The following NHS variants were observed in gnomAD, a reference collection of about 807,000 sequenced individuals.
NHS encodes NHS actin remodeling regulator, also known as actin remodeling regulator NHS.
NHS carries 5 observed loss-of-function variants against 72.5 expected under a neutral mutation model. The ratio of observed to expected loss-of-function variants is 0.07; its 90% CI spans 0.04 to 0.14. NHS has a LOEUF of 0.14. NHS is among the 10% of genes least tolerant of loss of function. The pLI, the probability that NHS is intolerant of heterozygous loss-of-function variation, is 1.00. For missense variants in NHS, 1,072 were observed against 1,355.7 expected, an observed-to-expected ratio of 0.79 and a Z score of 3.29; for synonymous variants, 464 against 547.7, an observed-to-expected ratio of 0.85 and a Z score of 2.13.
intron 1 of NHS, among the ~76,000 whole-genome samples, chrX:17,594,403 G>A (rs764452238): frequency 9.0e-6 from 1 of 111,596 alleles, no homozygotes; most frequent in African/African-American, 3.3e-5. Context: ...TGGGTGGCAG[G>A]TGAGGGAGGG....
chrX:17,617,579 A>G (rs1348951198), intron 1 of NHS, among the ~76,000 whole-genome samples: 1 of 112,438 alleles, frequency 8.9e-6, no homozygotes, highest in Non-Finnish European at 1.9e-5. Flanking sequence ...AATGAAAATG[A>G]GATGTGTCAC....
intron 3 of NHS, among the ~76,000 whole-genome samples, chrX:17,697,443 G>A (rs1396351629): frequency 9.0e-6 from 1 of 111,725 alleles, no homozygotes; most frequent in Non-Finnish European, 1.9e-5. Context: ...GATTGCAAAA[G>A]GTCAATGAAA....
intron 1 of NHS, among the ~76,000 whole-genome samples, chrX:17,421,996 A>G (rs111628998): frequency 8.9e-6 from 1 of 112,520 alleles, no homozygotes. Context: ...GTACACATCT[A>G]TGGGACCACA....
At chrX:17,586,084 C>G (rs1455801558) in intron 1 of NHS, 2 of 111,009 alleles carry the variant, frequency 1.8e-5, no homozygotes, top group East Asian at 5.7e-4. Flanking sequence ...GCACCCATCT[C>G]CTTGTCTTGG....
intron 1 of NHS, among the ~76,000 whole-genome samples, chrX:17,588,062 T>C (rs1248073141): frequency 8.9e-6 from 1 of 112,211 alleles, no homozygotes; most frequent in Non-Finnish European, 1.9e-5. Context: ...GGTTGTCTCT[T>C]CCCATTCTTT....
chrX:17,489,652 T>G (rs982561070), intron 1 of NHS, among the ~76,000 whole-genome samples: 4 of 111,732 alleles, frequency 3.6e-5, no homozygotes, highest in Non-Finnish European at 7.5e-5. Flanking sequence ...CACGCCCAGC[T>G]AATTTTTTGT....
At chrX:17,614,779 GT>G (rs1303253388) in intron 1 of NHS, among the ~76,000 whole-genome samples, 1 of 111,031 alleles carries the variant, frequency 9.0e-6, no homozygotes, top group Non-Finnish European at 1.9e-5. Context: ...TAACAGCCAA[GT>G]ACCACACTAG....
At chrX:17,660,920 A>C (rs1358865270) in intron 1 of NHS, among the ~76,000 whole-genome samples, 1 of 112,727 alleles carries the variant, frequency 8.9e-6, no homozygotes, top group African/African-American at 3.2e-5. Flanking sequence ...CAAAGATCTC[A>C]GGAGGAGTTG....
intron 1 of NHS, among the ~76,000 whole-genome samples, chrX:17,385,371 G>A (rs1318290487): frequency 9.0e-6 from 1 of 110,888 alleles, no homozygotes; most frequent in Admixed American, 9.6e-5. Flanking sequence ...AAAATTGGCC[G>A]GGCATGATGG....
At chrX:17,615,419 ATTT>A (rs1164559190) in intron 1 of NHS, among the ~76,000 whole-genome samples, 1 of 98,194 alleles carries the variant, frequency 1.0e-5, no homozygotes, top group African/African-American at 3.7e-5. Flanking sequence ...CACTCGGCTA[ATTT>A]TTTTTTTTTT....
chrX:17,645,699 A>G (rs1223080354), intron 1 of NHS, among the ~76,000 whole-genome samples: 1 of 111,933 alleles, frequency 8.9e-6, no homozygotes, highest in Non-Finnish European at 1.9e-5. Flanking sequence ...TACAAATCCT[A>G]CTGAGATTTA....
chrX:17,686,570 T>G (rs1431338024), intron 1 of NHS, among the ~76,000 whole-genome samples: 3 of 112,474 alleles, frequency 2.7e-5, no homozygotes, highest in Non-Finnish European at 5.6e-5. Context: ...ACAGACATGC[T>G]TTCTGTTCTG....
intron 1 of NHS, among the ~76,000 whole-genome samples, chrX:17,495,870 A>C (rs918547491): frequency 3.6e-5 from 4 of 111,593 alleles, no homozygotes; most frequent in African/African-American, 1.3e-4. Flanking sequence ...TGGTGAGGTA[A>C]CCTGGAGTTT....
chrX:17,454,039 G>A (rs1268926335), intron 1 of NHS, among the ~76,000 whole-genome samples: 1 of 112,042 alleles, frequency 8.9e-6, no homozygotes, highest in Non-Finnish European at 1.9e-5. Context: ...ATATCTTCTT[G>A]TCTGATTGTT....
At chrX:17,472,720 G>T (rs746875167) in intron 1 of NHS, among the ~76,000 whole-genome samples, 1 of 112,027 alleles carries the variant, frequency 8.9e-6, no homozygotes, top group Non-Finnish European at 1.9e-5. Context: ...ATAGACTCAG[G>T]TTAGGGTGCT....
intron 1 of NHS, among the ~76,000 whole-genome samples, chrX:17,417,810 A>C (rs2064603974): frequency 1.8e-5 from 2 of 112,376 alleles, no homozygotes; most frequent in Non-Finnish European, 3.8e-5. Context: ...TATTCTGTAG[A>C]ATGTTCTGTG....
At chrX:17,515,132 A>G (rs1034968250) in intron 1 of NHS, among the ~76,000 whole-genome samples, 2 of 111,997 alleles carry the variant, frequency 1.8e-5, no homozygotes, top group Non-Finnish European at 3.8e-5. Context: ...TCTTTGTCAA[A>G]CATACTCAGT....
chrX:17,547,021 G>A (rs2065297030), intron 1 of NHS, among the ~76,000 whole-genome samples: 1 of 112,099 alleles, frequency 8.9e-6, no homozygotes, highest in Non-Finnish European at 1.9e-5. Context: ...TTTCCTCCCT[G>A]GGGTCCAGGA....
intron 1 of NHS, among the ~76,000 whole-genome samples, chrX:17,465,640 C>T (rs762996869): frequency 2.8e-4 from 30 of 108,948 alleles, no homozygotes; most frequent in Non-Finnish European, 4.8e-4. Context: ...AAAATTACTC[C>T]TTACATAATG....
Sources: allele counts gnomAD v4.1 joint callset (sites outside exome capture counted in the v4.1 genomes callset), GRCh38; gene constraint gnomAD v4.1.1; transcripts MANE v1.5; gene names NCBI Gene and HGNC (gene_info 2026-07-23, HGNC 2026-07-21).